Variants in SRPK2 observed in about 807,000 individuals in gnomAD.
The protein encoded by SRPK2 is SRSF protein kinase 2.
SRPK2 carries 21 observed loss-of-function variants against 90.8 expected under a neutral mutation model. That is an observed-to-expected ratio of 0.23 (90% CI 0.16 to 0.33). SRPK2 has a LOEUF of 0.33. Among genes scored for constraint, SRPK2 ranks in the 10% least tolerant of loss-of-function variants. The pLI is 1.00. For missense variants in SRPK2, 620 were observed against 869.0 expected (o/e 0.71, Z 3.60); for synonymous variants, 288 against 311.1 (o/e 0.93, Z 0.78).
intron 2 of SRPK2, among the ~76,000 whole-genome samples, chr7:105,282,134 A>G (rs1391525182): frequency 6.6e-6 from 1 of 152,228 alleles, no homozygotes; most frequent in East Asian, 1.9e-4. Context: ...ATTTAAATCA[A>G]TGAAAGATAA....
At chr7:105,205,915 T>A (rs376125849) in intron 2 of SRPK2, 1 of 503,876 alleles carries the variant, frequency 2.0e-6, no homozygotes, top group Non-Finnish European at 4.0e-6. Context: ...AAAAAATGAG[T>A]ACATTCTCTG....
intron 2 of SRPK2, among the ~76,000 whole-genome samples, chr7:105,304,745 A>G (rs1810961268): frequency 6.6e-6 from 1 of 152,208 alleles, no homozygotes; most frequent in Non-Finnish European, 1.5e-5. Flanking sequence ...CCGTTTTAGT[A>G]TCATGACTAC....
chr7:105,194,342 C>T, intron 3 of SRPK2, among the ~76,000 whole-genome samples: 1 of 151,962 alleles, frequency 6.6e-6, no homozygotes, highest in Non-Finnish European at 1.5e-5. Context: ...TCTATTCAAC[C>T]TCATGCATAA....
chr7:105,335,665 A>G (rs533758336), intron 2 of SRPK2, among the ~76,000 whole-genome samples: 20 of 151,474 alleles, frequency 1.3e-4, no homozygotes, highest in African/African-American at 4.6e-4. Context: ...AAAAAAAAAA[A>G]AAAAGCAGCC....
At chr7:105,285,378 C>A (rs1169418115) in intron 2 of SRPK2, among the ~76,000 whole-genome samples, 1 of 110,726 alleles carries the variant, frequency 9.0e-6, no homozygotes, top group Admixed American at 1.1e-4. Flanking sequence ...GAGTGAGACC[C>A]CGTCTCCAAA....
chr7:105,231,011 A>C (rs2129619692), intron 2 of SRPK2, among the ~76,000 whole-genome samples: 1 of 152,270 alleles, frequency 6.6e-6, no homozygotes. Context: ...TGTGTCACTA[A>C]GGTTTGTTGT....
intron 2 of SRPK2, among the ~76,000 whole-genome samples, chr7:105,333,304 T>C (rs1279917832): frequency 6.6e-6 from 1 of 152,222 alleles, no homozygotes; most frequent in Non-Finnish European, 1.5e-5. Context: ...GGTTGGATAA[T>C]ACCCAGAAAT....
intron 2 of SRPK2, among the ~76,000 whole-genome samples, chr7:105,320,309 A>G (rs1563233580): frequency 6.6e-6 from 1 of 152,230 alleles, no homozygotes; most frequent in African/African-American, 2.4e-5. Flanking sequence ...TTCCTCTAAT[A>G]CAAAAATTTT....
chr7:105,313,371 C>T (rs1045626892), intron 2 of SRPK2, among the ~76,000 whole-genome samples: 1 of 148,582 alleles, frequency 6.7e-6, no homozygotes, highest in African/African-American at 2.5e-5. Flanking sequence ...CGCTTGAACC[C>T]GGAAGGCAGA....
At chr7:105,370,191 T>G (rs111424988) in intron 2 of SRPK2, among the ~76,000 whole-genome samples, 5 of 152,194 alleles carry the variant, frequency 3.3e-5, no homozygotes, top group African/African-American at 1.2e-4. Flanking sequence ...GAATTTCTTT[T>G]AAGTAAATTA....
intron 2 of SRPK2, among the ~76,000 whole-genome samples, chr7:105,262,193 C>T (rs942064047): frequency 1.1e-4 from 17 of 152,294 alleles, no homozygotes; most frequent in African/African-American, 2.6e-4. Context: ...GAAACTACTA[C>T]ATCTAGACCA....
At chr7:105,247,616 G>A (rs566933580) in intron 2 of SRPK2, among the ~76,000 whole-genome samples, 2 of 151,254 alleles carry the variant, frequency 1.3e-5, no homozygotes, top group East Asian at 3.9e-4. Flanking sequence ...ACTATTAACT[G>A]AACAAAATAT....
At chr7:105,191,553 C>CT (rs748354109) in intron 3 of SRPK2, among the ~76,000 whole-genome samples, 2 of 152,142 alleles carry the variant, frequency 1.3e-5, no homozygotes, top group East Asian at 1.9e-4. Context: ...ATGAGACACT[C>CT]TATCTCTATG....
intron 3 of SRPK2, among the ~76,000 whole-genome samples, chr7:105,195,634 G>A (rs945397512): frequency 1.3e-5 from 2 of 152,212 alleles, no homozygotes; most frequent in Non-Finnish European, 2.9e-5. Flanking sequence ...TTTAGTCTGA[G>A]TAGTGCCCCA....
At chr7:105,344,406 C>CTTTTTTT (rs1563264048) in intron 2 of SRPK2, among the ~76,000 whole-genome samples, 2 of 128,612 alleles carry the variant, frequency 1.6e-5, no homozygotes, top group Non-Finnish European at 3.2e-5. Context: ...TGCAGCCACA[C>CTTTTTTT]CTTTTTTTTT....
At chr7:105,332,205 G>A (rs1054811027) in intron 2 of SRPK2, among the ~76,000 whole-genome samples, 4 of 152,054 alleles carry the variant, frequency 2.6e-5, no homozygotes, top group African/African-American at 7.2e-5. Context: ...ACTGCCACCT[G>A]AAAAAACTAA....
At chr7:105,261,034 A>C (rs1401056341) in intron 2 of SRPK2, among the ~76,000 whole-genome samples, 1 of 151,550 alleles carries the variant, frequency 6.6e-6, no homozygotes, top group African/African-American at 2.4e-5. Context: ...AAAAAAAAAA[A>C]AAAAAAAACA....
At chr7:105,190,003 C>A (rs1034056741) in intron 3 of SRPK2, among the ~76,000 whole-genome samples, 9 of 152,180 alleles carry the variant, frequency 5.9e-5, no homozygotes, top group South Asian at 4.1e-4. Context: ...CAACTGTGCT[C>A]TGGCACTGAG....
At chr7:105,326,540 A>G (rs147276364) in intron 2 of SRPK2, among the ~76,000 whole-genome samples, 3 of 152,308 alleles carry the variant, frequency 2.0e-5, no homozygotes, top group East Asian at 3.9e-4. Flanking sequence ...TGGCCTTCTA[A>G]ATACTATCAA....
Sources: allele counts gnomAD v4.1 joint callset (sites outside exome capture counted in the v4.1 genomes callset), GRCh38; gene constraint gnomAD v4.1.1; transcripts MANE v1.5; gene names NCBI Gene and HGNC (gene_info 2026-07-23, HGNC 2026-07-21).